The following TTC3 variants were observed in gnomAD, a reference collection of about 807,000 sequenced individuals.
The protein encoded by TTC3 is tetratricopeptide repeat domain 3.
A neutral mutation model predicts 249.6 loss-of-function variants in TTC3; 180 were observed. That is an observed-to-expected ratio of 0.72 (90% CI 0.64 to 0.82). The LOEUF is 0.82. TTC3 is among the 40% of genes least tolerant of loss of function. The pLI, the probability that TTC3 is intolerant of heterozygous loss-of-function variation, is 0.00. For synonymous variants in TTC3, 717 were observed against 805.0 expected, an observed-to-expected ratio of 0.89 and a Z score of 1.85; for missense variants, 2,061 against 2,398.4, an observed-to-expected ratio of 0.86 and a Z score of 2.94.
At chr21:37,147,970 A>AC (rs1269631093) in intron 22 of TTC3, among the ~76,000 whole-genome samples, 2 of 151,742 alleles carry the variant, frequency 1.3e-5, no homozygotes, top group Non-Finnish European at 2.9e-5. Context: ...TTCGTGATCC[A>AC]CCCCCTCAGC....
chr21:37,108,089 AAAAC>A, intron 10 of TTC3: 1 of 202,506 alleles, frequency 4.9e-6, no homozygotes, highest in Non-Finnish European at 1.0e-5. Flanking sequence ...TGTCTCAAAA[AAAAC>A]AAAAGAATGC....
At chr21:37,141,026 T>A (rs970041392) in intron 20 of TTC3, among the ~76,000 whole-genome samples, 5 of 152,232 alleles carry the variant, frequency 3.3e-5, no homozygotes, top group Non-Finnish European at 5.9e-5. Context: ...AATTATTTTT[T>A]AAAAATCTGT....
At chr21:37,137,227 CTTA>C (rs756647055) in intron 18 of TTC3, among the ~76,000 whole-genome samples, 1 of 152,076 alleles carries the variant, frequency 6.6e-6, no homozygotes, top group Non-Finnish European at 1.5e-5. Context: ...ACTTTCAAGT[CTTA>C]TTATTTAAGA....
intron 11 of TTC3, among the ~76,000 whole-genome samples, chr21:37,119,620 A>G (rs1334269400): frequency 1.3e-5 from 2 of 152,092 alleles, no homozygotes; most frequent in Non-Finnish European, 2.9e-5. Context: ...GTCTCTGCCT[A>G]GGTTTTCTCT....
At chr21:37,164,199 T>G in exon 32 of TTC3, 1 of 1,608,698 alleles carries the variant, frequency 6.2e-7, no homozygotes, top group African/African-American at 1.3e-5. Flanking sequence ...AAAACAAAAA[T>G]GTTCAACTCT....
intron 44 of TTC3, among the ~76,000 whole-genome samples, chr21:37,199,844 A>G (rs946973962): frequency 6.6e-6 from 1 of 152,152 alleles, no homozygotes; most frequent in African/African-American, 2.4e-5. Context: ...CCTTTTGGCT[A>G]CACAATAGCC....
At chr21:37,191,677 C>G (rs1367736991) in intron 40 of TTC3, among the ~76,000 whole-genome samples, 1 of 152,180 alleles carries the variant, frequency 6.6e-6, no homozygotes, top group East Asian at 1.9e-4. Flanking sequence ...CTCCCAGGTT[C>G]AAGTGATTCT....
exon 17 of TTC3, chr21:37,132,695 T>C: frequency 6.2e-7 from 1 of 1,604,972 alleles, no homozygotes; most frequent in Admixed American, 1.7e-5. Context: ...TAGTTCACCA[T>C]TGACTTTACC....
chr21:37,192,309 G>T, intron 41 of TTC3, 96 bp downstream of exon 41: 1 of 766,048 alleles, frequency 1.3e-6, no homozygotes, highest in South Asian at 2.1e-5. Flanking sequence ...GAGTGAGGAT[G>T]AGATTGGTTA....
intron 11 of TTC3, among the ~76,000 whole-genome samples, chr21:37,111,002 G>A (rs1451929811): frequency 6.6e-6 from 1 of 152,158 alleles, no homozygotes; most frequent in Admixed American, 6.5e-5. Context: ...ACAAGCAAAT[G>A]CTGAGAGATT....
intron 15 of TTC3, among the ~76,000 whole-genome samples, 198 bp downstream of exon 15, chr21:37,126,341 T>C (rs2077043983): frequency 6.6e-6 from 1 of 152,220 alleles, no homozygotes; most frequent in African/African-American, 2.4e-5. Context: ...GAATGTAATT[T>C]TGGAAATTCA....
At chr21:37,195,852 C>T (rs1266817806) in exon 42 of TTC3, 1 of 1,614,252 alleles carries the variant, frequency 6.2e-7, no homozygotes, top group East Asian at 2.2e-5. Context: ...CCCTGGTCAG[C>T]CTGAAGCCAC....
chr21:37,091,408 C>T (rs1838868360), exon 7 of TTC3: 1 of 1,606,654 alleles, frequency 6.2e-7, no homozygotes, highest in South Asian at 1.1e-5. Flanking sequence ...ATTTTCTTTA[C>T]TGAATGTAAG....
At chr21:37,190,993 A>T (rs1414047468) in intron 39 of TTC3, among the ~76,000 whole-genome samples, 1 of 152,154 alleles carries the variant, frequency 6.6e-6, no homozygotes, top group Non-Finnish European at 1.5e-5. Context: ...CTACCTTTTT[A>T]AAAAATCTTT....
At chr21:37,182,700 A>G (rs2082870132) in intron 35 of TTC3, 74 bp from the exon 36 acceptor site, 2 of 1,409,028 alleles carry the variant, frequency 1.4e-6, no homozygotes, top group East Asian at 5.2e-5. Flanking sequence ...CACCGTCACA[A>G]TTCTAGCCTT....
At chr21:37,169,223 A>G (rs141135153) in intron 34 of TTC3, among the ~76,000 whole-genome samples, 2 of 152,218 alleles carry the variant, frequency 1.3e-5, no homozygotes, top group African/African-American at 2.4e-5. Flanking sequence ...TTTAAACTTC[A>G]TATGTAAAAA....
intron 10 of TTC3, chr21:37,098,007 C>A: frequency 1.4e-6 from 1 of 702,592 alleles, no homozygotes; most frequent in South Asian, 1.5e-5. Flanking sequence ...TGGAGAATAC[C>A]GCTGTATTAA....
At chr21:37,174,642 C>T (rs2082079816) in intron 35 of TTC3, among the ~76,000 whole-genome samples, 1 of 152,138 alleles carries the variant, frequency 6.6e-6, no homozygotes, top group Non-Finnish European at 1.5e-5. Flanking sequence ...GCATACCCAG[C>T]CCCTTATAGA....
intron 10 of TTC3, chr21:37,099,194 A>G (rs893202267): frequency 6.6e-6 from 1 of 151,646 alleles, no homozygotes; most frequent in Non-Finnish European, 1.5e-5. Context: ...TGAAAAAGAG[A>G]TTCAATTTAA....
Sources: allele counts gnomAD v4.1 joint callset (sites outside exome capture counted in the v4.1 genomes callset), GRCh38; gene constraint gnomAD v4.1.1; transcripts MANE v1.5; gene names NCBI Gene and HGNC (gene_info 2026-07-23, HGNC 2026-07-21).